BIN2: variants seen among roughly 807,000 people sequenced by gnomAD.
BIN2 encodes the protein breast cancer associated protein BRAP1.
Under a neutral mutation model 67.9 loss-of-function variants are expected in BIN2, and 43 were observed. The ratio of observed to expected loss-of-function variants is 0.63; its 90% CI spans 0.50 to 0.82. The LOEUF is 0.82. BIN2 is among the 40% of genes least tolerant of loss of function. BIN2 has a pLI of 0.00. For synonymous variants in BIN2, 244 were observed against 246.8 expected, an observed-to-expected ratio of 0.99 and a Z score of 0.11; for missense variants, 581 against 671.6, an observed-to-expected ratio of 0.87 and a Z score of 1.49.
chr12:51,297,427 C>T (rs1208926261), intron 7 of BIN2: 10 of 280,246 alleles, frequency 3.6e-5, no homozygotes, highest in Non-Finnish European at 6.8e-5. Context: ...ATTAGCCGGG[C>T]GTGGTGGCAT....
chr12:51,302,828 T>C (rs370511380), intron 3 of BIN2, 48 bp from the exon 4 acceptor site: 21 of 1,503,528 alleles, frequency 1.4e-5, no homozygotes, highest in Non-Finnish European at 1.9e-5. Flanking sequence ...CCAACAGTAG[T>C]TGGTGTAATC....
intron 2 of BIN2, 97 bp from the exon 3 acceptor site, chr12:51,303,238 C>T: frequency 8.2e-7 from 1 of 1,217,750 alleles, no homozygotes; most frequent in Non-Finnish European, 1.2e-6. Flanking sequence ...GCAGAAATCA[C>T]ACCTGGAATT....
chr12:51,316,864 T>C (rs922470586), intron 1 of BIN2, among the ~76,000 whole-genome samples: 1 of 152,100 alleles, frequency 6.6e-6, no homozygotes. Flanking sequence ...GTTTTATTAC[T>C]ACTACTACTA....
At chr12:51,301,469 C>T (rs569883854) in intron 5 of BIN2, among the ~76,000 whole-genome samples, 2 of 152,014 alleles carry the variant, frequency 1.3e-5, no homozygotes, top group Non-Finnish European at 2.9e-5. Context: ...GGATCTAATT[C>T]GAAATCAGCC....
intron 2 of BIN2, among the ~76,000 whole-genome samples, chr12:51,309,907 G>C (rs1945954610): frequency 6.6e-6 from 1 of 152,174 alleles, no homozygotes; most frequent in South Asian, 2.1e-4. Flanking sequence ...ACCTTCCACA[G>C]TGGGTGTTAA....
In BIN2 at chr12:51,307,894, G is replaced by A. The variant is rs139281162; in HGVS notation, c.163-4753C>T. Among the ~76,000 whole-genome samples, 729 of 152,198 alleles carry A rather than the reference G, an allele frequency of 4.8e-3. 8 individuals carry two copies. The highest frequency in any genetic ancestry group is 0.016 in the African/African-American group (674 of 41,512). Reference sequence around the variant, plus strand: ...AAATGAATGCCTTCTGCTTTCCACTGCAGCTCACAAAAGCCCCGCTCCATT... The same window carrying A: ...AAATGAATGCCTTCTGCTTTCCACTACAGCTCACAAAAGCCCCGCTCCATT... On this transcript the variant is annotated intron_variant, in intron 2 of 12. Coordinates refer to ENST00000615107, the MANE Select transcript of BIN2 (RefSeq NM_016293.4).
chr12:51,318,773 CA>C (rs1296622755), intron 1 of BIN2, among the ~76,000 whole-genome samples: 11 of 152,166 alleles, frequency 7.2e-5, no homozygotes, highest in African/African-American at 2.4e-4. Context: ...CTTGAGTTGT[CA>C]GGAGGATTAA....
At chr12:51,313,638 G>T (rs1018362345) in intron 2 of BIN2, among the ~76,000 whole-genome samples, 185 bp downstream of exon 2, 1 of 152,154 alleles carries the variant, frequency 6.6e-6, no homozygotes, top group Non-Finnish European at 1.5e-5. Flanking sequence ...ACTGCGCCTG[G>T]CTGGTAAATT....
chr12:51,313,446 C>G (rs1481825353), intron 2 of BIN2, among the ~76,000 whole-genome samples: 1 of 151,862 alleles, frequency 6.6e-6, no homozygotes, highest in Admixed American at 6.6e-5. Flanking sequence ...TCAAGTGATT[C>G]TCCTGCCTCA....
chr12:51,320,936 A>ACACACACACACAC (rs1031506424), intron 1 of BIN2, among the ~76,000 whole-genome samples: 8,657 of 138,492 alleles, frequency 0.063, 547 homozygotes, highest in Admixed American at 0.075. Context: ...TCATACTAAA[A>ACACACACACACAC]ACACACACAC....
chr12:51,301,642 G>C (rs1184126624), intron 5 of BIN2, among the ~76,000 whole-genome samples: 1 of 151,998 alleles, frequency 6.6e-6, no homozygotes, highest in Admixed American at 6.6e-5. Context: ...TAGGGTGGCT[G>C]GGACTACAGA....
chr12:51,321,475 C>T (rs1946282210), intron 1 of BIN2, among the ~76,000 whole-genome samples: 1 of 152,042 alleles, frequency 6.6e-6, no homozygotes, highest in African/African-American at 2.4e-5. Context: ...TCTCGGCTCA[C>T]GGCAACCTCC....
Position 51,295,573 on chromosome 12 carries a change from AAAAAATATATATATATATATATATATAT to A in BIN2, c.761+195_761+222del, listed in dbSNP as rs1175699913. The stretch of plus-strand genomic sequence containing the variant: ...GTGAGACTCCGTCTCAAAAAAAAAA[AAAAAATATATATATATATATATATATAT>A]ATATATATATATATATATATATATA... On this transcript the variant is annotated intron_variant, in intron 9 of 12. Transcript: ENST00000615107. Among the ~76,000 whole-genome samples the A allele has an allele frequency of 2.8e-4, 11 of 39,696 alleles. 2 individuals carry two copies. Among genetic ancestry groups the A allele is most frequent in the African/African-American group, 2.1e-3 (11 of 5,278 alleles). The allele number at this position is 39,696 out of a possible 152,430, so 26.0% of individuals were successfully genotyped here.
chr12:51,295,465 A>T (rs1945516949), intron 9 of BIN2, among the ~76,000 whole-genome samples: 6 of 147,994 alleles, frequency 4.1e-5, no homozygotes, highest in Admixed American at 3.3e-4. Flanking sequence ...CAGGAGGCTG[A>T]GGCAGGAGAA....
At chr12:51,300,026 T>C (rs1454006922) in intron 5 of BIN2, among the ~76,000 whole-genome samples, 1 of 151,934 alleles carries the variant, frequency 6.6e-6, no homozygotes, top group Non-Finnish European at 1.5e-5. Context: ...TTAGTAGAGA[T>C]GGGGTTTTGC....
At position 51,291,798 on chromosome 12, in the gene BIN2, G is replaced by T; in HGVS notation, c.1308C>A (p.Ser436Arg). 4 of 1,613,922 alleles carry T rather than the reference G, an allele frequency of 2.5e-6. No individual in the cohort carries two copies. The highest frequency in any genetic ancestry group is 3.4e-6 in the Non-Finnish European group (4 of 1,179,922). Residue 436 changes from serine (S) to arginine (R), a missense_variant, in exon 10 of 13, where the codon AGC (serine) becomes AGA (arginine). Transcript: ENST00000615107. The part of the protein sequence containing the change: ...PRPSSGNIPS[S>R]PTASGGGSPT... The stretch of plus-strand genomic sequence containing the variant: ...GTGAACCCCCTCCAGAGGCTGTAGG[G>T]CTGGAAGGTATGTTCCCTGAGGAGG...
chr12:51,287,787 G>A lies in BIN2; in HGVS notation c.1596+321C>T, dbSNP rs978426867. Among the ~76,000 whole-genome samples the A allele has an allele frequency of 2.6e-5, 4 of 152,046 alleles. No individual in the cohort carries two copies. In the East Asian group the frequency reaches 7.7e-4, roughly 29 times the overall value. On this transcript the variant is annotated intron_variant, in intron 11 of 12. Coordinates refer to ENST00000615107, the MANE Select transcript of BIN2 (RefSeq NM_016293.4). Reference sequence around the variant, plus strand: ...CTGCCTCAGCCTCCCGAGTAGCTGGGAATACAGGCACCCGCCACCACACCC... The same window carrying A: ...CTGCCTCAGCCTCCCGAGTAGCTGGAAATACAGGCACCCGCCACCACACCC...
intron 7 of BIN2, 28 bp downstream of exon 7, chr12:51,299,175 G>T: frequency 6.4e-7 from 1 of 1,558,408 alleles, no homozygotes; most frequent in South Asian, 1.1e-5. Context: ...GTGAAGCAAA[G>T]GCACCTTTTC....
intron 9 of BIN2, among the ~76,000 whole-genome samples, chr12:51,294,525 C>T (rs575970206): frequency 2.0e-5 from 3 of 151,258 alleles, no homozygotes; most frequent in Admixed American, 1.3e-4. Flanking sequence ...CAAGATTGTG[C>T]CATTGCACTC....
Sources: gnomAD v4.1 joint callset for allele counts (sites outside exome capture counted in the v4.1 genomes callset) on GRCh38, gnomAD v4.1.1 for gene constraint, MANE v1.5 for transcripts, NCBI Gene and HGNC (gene_info 2026-07-23, HGNC 2026-07-21) for gene names.